The following INO80 variants were observed in gnomAD, a reference collection of about 807,000 sequenced individuals.
INO80 encodes INO80 complex ATPase subunit.
In INO80, 20 loss-of-function variants were observed where a neutral mutation model predicts 203.4. The observed-to-expected ratio is 0.10, with a 90% CI of 0.07 to 0.14. INO80 has a LOEUF of 0.14. Among genes scored for constraint, INO80 ranks in the 10% least tolerant of loss-of-function variants. The pLI is 1.00. For synonymous variants in INO80, 726 were observed against 685.2 expected, an observed-to-expected ratio of 1.06 and a Z score of -0.93; for missense variants, 1,419 against 1,914.4, an observed-to-expected ratio of 0.74 and a Z score of 4.83.
At chr15:41,030,875 T>TA (rs2044449320) in intron 24 of INO80, among the ~76,000 whole-genome samples, 1 of 151,870 alleles carries the variant, frequency 6.6e-6, no homozygotes, top group Non-Finnish European at 1.5e-5. Context: ...TTTCACCATA[T>TA]TGGCCCGGCT....
At chr15:41,107,387 G>A (rs1306680334) in intron 1 of INO80, among the ~76,000 whole-genome samples, 1 of 152,088 alleles carries the variant, frequency 6.6e-6, no homozygotes, top group African/African-American at 2.4e-5. Context: ...TGCAATCCCG[G>A]CTACTTCGGA....
intron 19 of INO80, among the ~76,000 whole-genome samples, chr15:41,053,315 C>T (rs2044918666): frequency 6.6e-6 from 1 of 152,080 alleles, no homozygotes; most frequent in African/African-American, 2.4e-5. Flanking sequence ...CTGTGTTAGC[C>T]AGGATGGTCT....
intron 24 of INO80, among the ~76,000 whole-genome samples, chr15:41,030,952 G>C (rs1344245545): frequency 6.6e-6 from 1 of 152,200 alleles, no homozygotes; most frequent in African/African-American, 2.4e-5. Flanking sequence ...TTACAGGCGT[G>C]AGCCACTGTG....
intron 24 of INO80, among the ~76,000 whole-genome samples, chr15:41,043,293 T>G (rs1480138361): frequency 6.6e-6 from 1 of 152,102 alleles, no homozygotes; most frequent in African/African-American, 2.4e-5. Flanking sequence ...GTAACATATA[T>G]TACCAAATTT....
intron 4 of INO80, among the ~76,000 whole-genome samples, chr15:41,095,393 C>T (rs555301693): frequency 1.6e-4 from 24 of 152,264 alleles, no homozygotes; most frequent in African/African-American, 4.6e-4. Flanking sequence ...ATTAGCAATA[C>T]TCAACCTGTA....
At chr15:41,030,252 C>T (rs2044438748) in intron 24 of INO80, among the ~76,000 whole-genome samples, 3 of 152,206 alleles carry the variant, frequency 2.0e-5, no homozygotes, top group Non-Finnish European at 4.4e-5. Context: ...ATACAACTCA[C>T]CATAGGGAGT....
intron 12 of INO80, 33 bp from the exon 13 acceptor site, chr15:41,070,580 T>A (rs372243742): frequency 6.9e-5 from 106 of 1,528,544 alleles, no homozygotes; most frequent in Non-Finnish European, 9.2e-5. Flanking sequence ...CAACACCTCA[T>A]GCATTTCATC....
chr15:41,014,030 C>T (rs545278720), intron 27 of INO80, among the ~76,000 whole-genome samples: 1 of 152,240 alleles, frequency 6.6e-6, no homozygotes, highest in Non-Finnish European at 1.5e-5. Context: ...AGCACTTATC[C>T]TGAACAAAGC....
chr15:41,095,374 G>A (rs954756962), intron 4 of INO80, among the ~76,000 whole-genome samples: 2 of 152,088 alleles, frequency 1.3e-5, no homozygotes, highest in African/African-American at 4.8e-5. Context: ...CTGGTCTCAA[G>A]CATTTCAGAT....
intron 29 of INO80, among the ~76,000 whole-genome samples, 169 bp downstream of exon 29, chr15:40,997,360 A>G (rs770026188): frequency 5.3e-5 from 8 of 152,218 alleles, no homozygotes; most frequent in Non-Finnish European, 7.3e-5. Flanking sequence ...AGTTCCAGTC[A>G]AAGAGCAACT....
chr15:41,092,217 TG>T lies in INO80; in HGVS notation c.382-36del, dbSNP rs748199859. The T allele has an allele frequency of 1.6e-5, 25 of 1,534,528 alleles. No individual in the cohort carries two copies. The African/African-American group carries it at 3.4e-4, about 21-fold the overall frequency. On this transcript the variant is annotated intron_variant, in intron 4 of 35. Transcript: ENST00000648947. ...GTGAAAATAGAAATGTATCTTTTGC[TG>T]TGAAGCAATCCCATTTATAATCCAA...
intron 25 of INO80, among the ~76,000 whole-genome samples, chr15:41,022,541 CAT>C (rs1309979675): frequency 6.6e-6 from 1 of 152,156 alleles, no homozygotes. Flanking sequence ...TGCCTTGAGA[CAT>C]ATGAACAGCT....
At chr15:40,994,587 G>A (rs2043855849) in intron 29 of INO80, among the ~76,000 whole-genome samples, 4 of 151,892 alleles carry the variant, frequency 2.6e-5, no homozygotes, top group African/African-American at 4.8e-5. Flanking sequence ...GGCTGGTGTC[G>A]AACTCCTGAC....
chr15:41,084,561 A>T (rs1478804947), intron 7 of INO80, among the ~76,000 whole-genome samples: 1 of 152,284 alleles, frequency 6.6e-6, no homozygotes, highest in East Asian at 1.9e-4. Flanking sequence ...TCCATCTCAA[A>T]AATAATAATA....
intron 19 of INO80, among the ~76,000 whole-genome samples, chr15:41,051,388 T>C (rs1403282256): frequency 6.6e-6 from 1 of 151,814 alleles, no homozygotes; most frequent in Non-Finnish European, 1.5e-5. Flanking sequence ...TAATGCCTTC[T>C]CTAACTTTCC....
intron 9 of INO80, among the ~76,000 whole-genome samples, chr15:41,075,009 T>C (rs1485499268): frequency 6.6e-6 from 1 of 152,162 alleles, no homozygotes; most frequent in East Asian, 1.9e-4. Context: ...AGTGCTGGGA[T>C]TACAGGCATG....
rs1445486163 is a variant in INO80, at chr15:41,053,937, A to T, written c.2266T>A (p.Ser756Thr). The T allele has an allele frequency of 5.6e-6, 9 of 1,613,124 alleles. No individual in the cohort carries two copies. The highest frequency in any genetic ancestry group is 7.6e-6 in the Non-Finnish European group (9 of 1,179,356). The change falls in exon 19 of 36, where the codon TCT (serine) becomes ACT (threonine). Residue 756 changes from serine to threonine, a missense_variant. By Grantham distance (58) the Ser-to-Thr change is moderately conservative. This residue lies in a region of INO80 where 192 missense variants were observed against 406.7 expected (regional missense o/e 0.47). Coordinates refer to ENST00000648947, the MANE Select transcript of INO80 (RefSeq NM_017553.3). ...AGGTCTTCTTTACTTACCTTGTCAGATAATTCATTTTCCACATCTTTCTTG... is the reference window on the plus strand; with the variant it reads ...AGGTCTTCTTTACTTACCTTGTCAGTTAATTCATTTTCCACATCTTTCTTG... ...RIKKDVENEL[S>T]DKIEILMYCQ...
At chr15:41,043,998 T>C (rs1258298609) in intron 24 of INO80, among the ~76,000 whole-genome samples, 1 of 152,188 alleles carries the variant, frequency 6.6e-6, no homozygotes. Flanking sequence ...TAAGGAATGA[T>C]TATTCATAAG....
At chr15:41,065,988 C>CTTTTTTT (rs1175524125) in intron 14 of INO80, among the ~76,000 whole-genome samples, 2 of 127,270 alleles carry the variant, frequency 1.6e-5, no homozygotes, top group Non-Finnish European at 3.4e-5. Context: ...CTACATTGTA[C>CTTTTTTT]TTTTTTTTTT....
Sources: gnomAD v4.1 joint callset for allele counts (sites outside exome capture counted in the v4.1 genomes callset) on GRCh38, gnomAD v4.1.1 for gene constraint, gnomAD v4.1.1 regional missense constraint, MANE v1.5 for transcripts, NCBI Gene and HGNC (gene_info 2026-07-23, HGNC 2026-07-21) for gene names.